Variants in FRMPD4 observed in about 807,000 individuals in gnomAD.
FRMPD4 encodes FERM and PDZ domain containing 4.
Under a neutral mutation model 94.1 loss-of-function variants are expected in FRMPD4, and 22 were observed. That is an observed-to-expected ratio of 0.23 (90% CI 0.17 to 0.33). The LOEUF (loss-of-function observed/expected upper bound fraction) is 0.33, where lower values mean the gene tolerates loss of function less well. FRMPD4 is among the 10% of genes least tolerant of loss of function. The probability of loss-of-function intolerance (pLI) is 1.00; values close to 1 mark genes in which losing one functional copy is unlikely to be tolerated. For missense variants in FRMPD4, 1,111 were observed against 1,339.9 expected (o/e 0.83, Z 2.67); for synonymous variants, 631 against 548.6 (o/e 1.15, Z -2.10).
intron 3 of FRMPD4, among the ~76,000 whole-genome samples, chrX:12,038,248 T>C (rs1326804905): frequency 2.7e-5 from 3 of 112,086 alleles, no homozygotes; most frequent in Non-Finnish European, 5.6e-5. Context: ...TGTATTCCCA[T>C]TAACAATGTA....
At chrX:12,310,841 T>C (rs1479553774) in intron 1 of FRMPD4, among the ~76,000 whole-genome samples, 1 of 112,455 alleles carries the variant, frequency 8.9e-6, no homozygotes, top group East Asian at 2.8e-4. Context: ...CCTCTCTAGA[T>C]TTCTTGATGC....
chrX:11,827,062 T>TTATATA (rs796566750), intron 1 of FRMPD4, among the ~76,000 whole-genome samples: 7 of 80,577 alleles, frequency 8.7e-5, no homozygotes, highest in African/African-American at 2.3e-4. Context: ...TAGATGGAAA[T>TTATATA]TATATATATA....
Position 12,444,812 on chromosome X carries a change from G to A in FRMPD4, c.42-53868G>A, listed in dbSNP as rs769435371. Reference sequence around the variant, plus strand: ...GATAACTAACCCACTCCCATGATAAGGACATTAATCTATTCATGACCAAAT... The same window carrying A: ...GATAACTAACCCACTCCCATGATAAAGACATTAATCTATTCATGACCAAAT... On this transcript the variant is annotated intron_variant, in intron 1 of 16. Coordinates refer to ENST00000675598, the MANE Select transcript of FRMPD4 (RefSeq NM_001368397.1). Among the ~76,000 whole-genome samples, 238 of 111,723 alleles carry A rather than the reference G, an allele frequency of 2.1e-3. 1 individual carries two copies. The highest frequency in any genetic ancestry group is 3.8e-3 in the Admixed American group (40 of 10,516).
chrX:12,554,815 T>C (rs964503438), intron 2 of FRMPD4, among the ~76,000 whole-genome samples: 5 of 111,615 alleles, frequency 4.5e-5, no homozygotes, highest in African/African-American at 1.6e-4. Context: ...GGTTTCACCA[T>C]GTTGCCCAGG....
chrX:12,243,490 G>A (rs1325311883), intron 1 of FRMPD4, among the ~76,000 whole-genome samples: 8 of 111,790 alleles, frequency 7.2e-5, no homozygotes, highest in Admixed American at 2.9e-4. Flanking sequence ...TTTAGTTAGC[G>A]AATTGAGTGT....
chrX:12,661,360 G>C (rs1360230588), intron 4 of FRMPD4, among the ~76,000 whole-genome samples: 2 of 111,839 alleles, frequency 1.8e-5, no homozygotes, highest in Non-Finnish European at 3.8e-5. Flanking sequence ...GCTTAAACTG[G>C]TAGTCTTTTT....
intron 3 of FRMPD4, among the ~76,000 whole-genome samples, chrX:11,995,594 T>C (rs187440252): frequency 8.9e-6 from 1 of 112,157 alleles, no homozygotes; most frequent in African/African-American, 3.2e-5. Flanking sequence ...TGGATATCTT[T>C]TACCACTTAG....
intron 1 of FRMPD4, among the ~76,000 whole-genome samples, chrX:12,284,373 C>T (rs1211875931): frequency 2.7e-5 from 3 of 111,911 alleles, no homozygotes; most frequent in Non-Finnish European, 5.6e-5. Context: ...TTCCCAACTT[C>T]CCTGAGTAGT....
chrX:12,389,513 A>T (rs1279633721), intron 1 of FRMPD4, among the ~76,000 whole-genome samples: 1 of 110,281 alleles, frequency 9.1e-6, no homozygotes, highest in African/African-American at 3.3e-5. Flanking sequence ...ACAACAACAA[A>T]ATTTGCTGAG....
intron 3 of FRMPD4, among the ~76,000 whole-genome samples, chrX:11,927,771 G>A (rs925293434): frequency 8.9e-6 from 1 of 111,994 alleles, no homozygotes; most frequent in Admixed American, 9.4e-5. Context: ...ACACCTAACT[G>A]TAAATCCCAA....
intron 1 of FRMPD4, among the ~76,000 whole-genome samples, chrX:12,318,101 A>G (rs2055154219): frequency 8.9e-6 from 1 of 112,950 alleles, no homozygotes; most frequent in Admixed American, 9.3e-5. Flanking sequence ...TATATACTCA[A>G]TGGAGTATTA....
At chrX:12,262,844 C>T (rs890409069) in intron 1 of FRMPD4, among the ~76,000 whole-genome samples, 1 of 111,438 alleles carries the variant, frequency 9.0e-6, no homozygotes, top group Admixed American at 9.5e-5. Context: ...GACATGGAAA[C>T]ATTTCATGAA....
At chrX:12,054,629 G>A (rs770891488) in intron 3 of FRMPD4, among the ~76,000 whole-genome samples, 30 of 111,233 alleles carry the variant, frequency 2.7e-4, no homozygotes, top group African/African-American at 9.8e-4. Context: ...ATTAATCTTT[G>A]TCTGGTCACT....
chrX:12,105,000 C>T, intron 3 of FRMPD4, among the ~76,000 whole-genome samples: 1 of 111,417 alleles, frequency 9.0e-6, no homozygotes, highest in Non-Finnish European at 1.9e-5. Flanking sequence ...AAAATCCTAG[C>T]TGCACATTAC....
intron 3 of FRMPD4, among the ~76,000 whole-genome samples, chrX:12,129,361 C>A (rs113524085): frequency 0.02 from 2,276 of 111,417 alleles, 61 homozygotes; most frequent in African/African-American, 0.07. Flanking sequence ...AGGGGAAAAA[C>A]CCCTTATAAG....
chrX:12,095,044 T>C (rs1390679123), intron 3 of FRMPD4, among the ~76,000 whole-genome samples: 1 of 111,495 alleles, frequency 9.0e-6, no homozygotes, highest in African/African-American at 3.3e-5. Context: ...ACTGTCTATA[T>C]TTTCATAGTC....
intron 1 of FRMPD4, among the ~76,000 whole-genome samples, chrX:12,223,601 A>G (rs187100966): frequency 1.8e-5 from 2 of 112,226 alleles, no homozygotes; most frequent in East Asian, 5.6e-4. Flanking sequence ...AACCTAAAAT[A>G]AAAGTTGGAA....
intron 1 of FRMPD4, among the ~76,000 whole-genome samples, chrX:12,312,239 CTTTTTTTTTTT>C (rs200625685): frequency 6.5e-5 from 4 of 61,512 alleles, no homozygotes; most frequent in South Asian, 7.8e-4. Flanking sequence ...TGCTCCATTA[CTTTTTTTTTTT>C]TTTTTTTTTT....
At chrX:12,351,064 C>T (rs751660009) in intron 1 of FRMPD4, among the ~76,000 whole-genome samples, 21 of 109,226 alleles carry the variant, frequency 1.9e-4, no homozygotes, top group Admixed American at 9.8e-4. Context: ...ATCAGCTACT[C>T]GGGAGGCTGA....
Sources: gnomAD v4.1 joint callset for allele counts (sites outside exome capture counted in the v4.1 genomes callset) on GRCh38, gnomAD v4.1.1 for gene constraint, MANE v1.5 for transcripts, NCBI Gene and HGNC (gene_info 2026-07-23, HGNC 2026-07-21) for gene names.